Variants in CACNA1D observed in about 807,000 individuals in gnomAD.
CACNA1D encodes the protein calcium voltage-gated channel subunit alpha1 D, also known as voltage-dependent L-type calcium channel subunit alpha-1D.
A neutral mutation model predicts 257.1 loss-of-function variants in CACNA1D; 55 were observed. That is an observed-to-expected ratio of 0.21 (90% CI 0.17 to 0.27). CACNA1D has a LOEUF of 0.27. CACNA1D is among the 10% of genes least tolerant of loss of function. The pLI, the probability that CACNA1D is intolerant of heterozygous loss-of-function variation, is 1.00. For missense variants in CACNA1D, 1,876 were observed against 2,784.0 expected (o/e 0.67, Z 7.34); for synonymous variants, 980 against 1,014.9 (o/e 0.97, Z 0.65).
At chr3:53,587,905 G>T (rs189509752) in intron 3 of CACNA1D, among the ~76,000 whole-genome samples, 1 of 152,236 alleles carries the variant, frequency 6.6e-6, no homozygotes, top group East Asian at 1.9e-4. Flanking sequence ...TTGGTTGTAC[G>T]AATGCTGGTT....
In CACNA1D at chr3:53,800,547, C is replaced by T. The variant is rs958407831; in HGVS notation, c.5040+182C>T. 2 of 685,170 alleles carry T rather than the reference C, an allele frequency of 2.9e-6. No homozygotes were observed. Among genetic ancestry groups the T allele is most frequent in the Admixed American group, 2.0e-5 (1 of 49,480 alleles). The allele number at this position is 685,170 out of a possible 1,614,324, so 42.4% of individuals were successfully genotyped here. A position where few individuals can be genotyped will look rare whatever the true frequency, so the allele number is the denominator to read the frequency against. On this transcript the variant is annotated intron_variant, in intron 41 of 47. Transcript: ENST00000350061. The surrounding 1 kb of genome is among the most constrained non-coding windows in gnomAD (Gnocchi z 4.3). Reference sequence around the variant, plus strand: ...CCCTCCCCAGGCATCAGCACCTCTTCTAGGGCCAGGCCAGCTCTTTCCCTG... The same window carrying T: ...CCCTCCCCAGGCATCAGCACCTCTTTTAGGGCCAGGCCAGCTCTTTCCCTG...
intron 8 of CACNA1D, among the ~76,000 whole-genome samples, chr3:53,694,745 G>C (rs768906501): frequency 2.0e-5 from 3 of 152,178 alleles, no homozygotes; most frequent in Non-Finnish European, 4.4e-5. Flanking sequence ...ACATGGCAGA[G>C]ACTCAGGCTG....
intron 3 of CACNA1D, among the ~76,000 whole-genome samples, chr3:53,639,570 T>C (rs2093926083): frequency 6.6e-6 from 1 of 152,082 alleles, no homozygotes; most frequent in African/African-American, 2.4e-5. Flanking sequence ...GTATTTTTAG[T>C]AGAGATGGGG....
intron 8 of CACNA1D, among the ~76,000 whole-genome samples, chr3:53,682,992 A>T (rs970037823): frequency 6.6e-6 from 1 of 152,184 alleles, no homozygotes; most frequent in Non-Finnish European, 1.5e-5. Flanking sequence ...CAGTTTTAGA[A>T]TTATGGCAGA....
Position 53,603,471 on chromosome 3 carries a change from T to G in CACNA1D, c.484-47308T>G, listed in dbSNP as rs539047940. Reference sequence around the variant, plus strand: ...GGGGTTGTTGTGAGAATGAAATGACTTTCTACCTTTAAAGCACGTAGAACA... The same window carrying G: ...GGGGTTGTTGTGAGAATGAAATGACGTTCTACCTTTAAAGCACGTAGAACA... On this transcript the variant is annotated intron_variant, in intron 3 of 47. Coordinates refer to ENST00000350061, the MANE Select transcript of CACNA1D (RefSeq NM_001128840.3). Among the ~76,000 whole-genome samples, 4 of 152,348 alleles carry G rather than the reference T, an allele frequency of 2.6e-5. No individual in the cohort carries two copies. The East Asian group carries it at 7.7e-4, about 29-fold the overall frequency.
chr3:53,707,909 A>G (rs2094708413), intron 9 of CACNA1D, among the ~76,000 whole-genome samples: 1 of 152,214 alleles, frequency 6.6e-6, no homozygotes, highest in Non-Finnish European at 1.5e-5. Flanking sequence ...TAATTCCTCT[A>G]AGTAAAGATA....
At position 53,810,317 on chromosome 3, in the gene CACNA1D, C is replaced by T. The variant is rs188469668; in HGVS notation, c.6192+19C>T. 43 of 1,611,762 alleles carry T rather than the reference C, an allele frequency of 2.7e-5. No homozygotes were observed. The highest frequency in any genetic ancestry group is 2.4e-4 in the African/African-American group (18 of 74,956). On this transcript the variant is annotated intron_variant, in intron 47 of 47. Transcript: ENST00000350061. ...GGAGGCAGTGAGTACGGTTCTTGGC[C>T]GTGGTGGGCAGGAAGCACCAGGAGC...
At chr3:53,653,386 A>G (rs1253658510) in intron 4 of CACNA1D, among the ~76,000 whole-genome samples, 1 of 152,250 alleles carries the variant, frequency 6.6e-6, no homozygotes, top group Non-Finnish European at 1.5e-5. Context: ...AAACTCCGTC[A>G]GTAGAAACAG....
chr3:53,727,329 A>C (rs1431218784), intron 15 of CACNA1D, among the ~76,000 whole-genome samples: 1 of 152,170 alleles, frequency 6.6e-6, no homozygotes, highest in East Asian at 1.9e-4. Flanking sequence ...GCTGAGCGCA[A>C]GGCCAGGTGG....
rs80229828 is a variant in CACNA1D, at chr3:53,542,244, T to C, written c.483+40524T>C. ...TCAGTTGTCTCAGTGAAGTTTTCCC[T>C]GTAGGTTTCATAGTTACTTTAATTG... On this transcript the variant is annotated intron_variant, in intron 3 of 47. Coordinates refer to ENST00000350061, the MANE Select transcript of CACNA1D (RefSeq NM_001128840.3). 8.0e-3 allele frequency among the ~76,000 whole-genome samples: 1,211 copies of C among 152,030 alleles called. 90 individuals carry two copies. The South Asian group carries it at 0.16, about 20-fold the overall frequency.
At chr3:53,669,970 T>A (rs2094306910) in intron 7 of CACNA1D, among the ~76,000 whole-genome samples, 1 of 152,236 alleles carries the variant, frequency 6.6e-6, no homozygotes, top group Non-Finnish European at 1.5e-5. Context: ...AGGAAATTTT[T>A]TTTCCTTCAA....
In CACNA1D at chr3:53,666,055, A is replaced by G. The variant is rs55641883; in HGVS notation, c.919+243A>G. Reference sequence around the variant, plus strand: ...AAACAAGATAAGAGACCTCCAAAGTAAAAACATGAGGCAAACCAACAGCAT... The same window carrying G: ...AAACAAGATAAGAGACCTCCAAAGTGAAAACATGAGGCAAACCAACAGCAT... On this transcript the variant is annotated intron_variant, in intron 6 of 47. Coordinates refer to ENST00000350061, the MANE Select transcript of CACNA1D (RefSeq NM_001128840.3). Among the ~76,000 whole-genome samples, 3,112 of 152,270 alleles carry G rather than the reference A, an allele frequency of 0.02. 107 individuals are homozygous for G. The highest frequency in any genetic ancestry group is 0.07 in the African/African-American group (2,926 of 41,536).
intron 3 of CACNA1D, among the ~76,000 whole-genome samples, chr3:53,587,237 G>A (rs2093233605): frequency 6.6e-6 from 1 of 152,192 alleles, no homozygotes; most frequent in Non-Finnish European, 1.5e-5. Context: ...GAGTTATTCA[G>A]GGAAATGTTC....
At chr3:53,718,947 C>A (rs1032486393) in intron 10 of CACNA1D, among the ~76,000 whole-genome samples, 1 of 152,148 alleles carries the variant, frequency 6.6e-6, no homozygotes, top group African/African-American at 2.4e-5. Flanking sequence ...CCTGCACCAG[C>A]CTCTCCTCAT....
At chr3:53,674,686 T>G (rs550574085) in intron 8 of CACNA1D, among the ~76,000 whole-genome samples, 45 of 152,104 alleles carry the variant, frequency 3.0e-4, no homozygotes, top group Middle Eastern at 6.8e-3. Context: ...CCCCAGAAGG[T>G]GGGGTGCTAC....
At chr3:53,665,171 C>T (rs960985057) in intron 5 of CACNA1D, among the ~76,000 whole-genome samples, 3 of 151,850 alleles carry the variant, frequency 2.0e-5, no homozygotes, top group Non-Finnish European at 4.4e-5. Flanking sequence ...TTTCAACTCC[C>T]AACACCTATT....
At chr3:53,558,886 C>G (rs944339397) in intron 3 of CACNA1D, among the ~76,000 whole-genome samples, 7 of 152,108 alleles carry the variant, frequency 4.6e-5, no homozygotes, top group South Asian at 4.1e-4. Context: ...GAGCTTCTTG[C>G]AGTGGTAAGT....
At chr3:53,609,086 T>C (rs2093550182) in intron 3 of CACNA1D, among the ~76,000 whole-genome samples, 1 of 152,166 alleles carries the variant, frequency 6.6e-6, no homozygotes, top group South Asian at 2.1e-4. Context: ...GAGTCTGGAG[T>C]TCTCTTTGTG....
chr3:53,713,036 G>A (rs2094776946), intron 9 of CACNA1D, among the ~76,000 whole-genome samples: 1 of 152,186 alleles, frequency 6.6e-6, no homozygotes, highest in African/African-American at 2.4e-5. Context: ...CATTCTACAT[G>A]CAGAGCACTT....
Sources: gnomAD v4.1 joint callset for allele counts (sites outside exome capture counted in the v4.1 genomes callset) on GRCh38, gnomAD v4.1.1 for gene constraint, Gnocchi (gnomAD v3.1) non-coding constraint, MANE v1.5 for transcripts, NCBI Gene and HGNC (gene_info 2026-07-23, HGNC 2026-07-21) for gene names.